Variants in FNDC3A observed in about 807,000 individuals in gnomAD.
FNDC3A encodes the protein fibronectin type-III domain-containing protein 3A.
FNDC3A carries 32 observed loss-of-function variants against 148.9 expected under a neutral mutation model. That is an observed-to-expected ratio of 0.21 (90% CI 0.16 to 0.29). The LOEUF is 0.29. Among genes scored for constraint, FNDC3A ranks in the 10% least tolerant of loss-of-function variants. FNDC3A has a pLI of 1.00. For synonymous variants in FNDC3A, 472 were observed against 473.6 expected, an observed-to-expected ratio of 1.00 and a Z score of 0.04; for missense variants, 1,191 against 1,452.8, an observed-to-expected ratio of 0.82 and a Z score of 2.93.
intron 8 of FNDC3A, among the ~76,000 whole-genome samples, chr13:49,160,970 C>T (rs1349532604): frequency 1.3e-5 from 2 of 152,180 alleles, no homozygotes; most frequent in South Asian, 2.1e-4. Flanking sequence ...TTTGATTGCA[C>T]TGTGGTCTGA....
intron 3 of FNDC3A, among the ~76,000 whole-genome samples, chr13:49,081,728 A>G (rs117746234): frequency 1.8e-4 from 28 of 152,338 alleles, no homozygotes; most frequent in Non-Finnish European, 3.7e-4. Context: ...AGTGGCTTCT[A>G]CAAAAACAAA....
At position 49,090,373 on chromosome 13, in the gene FNDC3A, C is replaced by T. The variant is rs1255798918; in HGVS notation, c.175+15009C>T. Among the ~76,000 whole-genome samples, 19 of 152,288 alleles carry T rather than the reference C, an allele frequency of 1.2e-4. No homozygotes were observed. In the East Asian group the frequency reaches 3.5e-3, roughly 28 times the overall value. On this transcript the variant is annotated intron_variant, in intron 3 of 25. Coordinates refer to ENST00000492622, the MANE Select transcript of FNDC3A (RefSeq NM_001079673.2). ...AAGTTGCAGTGAGCCAAGATCACGC[C>T]ACTGCACTCCAGCCTGGGTGACAGA...
intron 2 of FNDC3A, among the ~76,000 whole-genome samples, chr13:49,052,514 T>G (rs1034061338): frequency 6.6e-6 from 1 of 152,206 alleles, no homozygotes; most frequent in African/African-American, 2.4e-5. Flanking sequence ...TGCAGAGTCC[T>G]GTGATATGAT....
At chr13:49,081,793 GAA>G (rs1223296002) in intron 3 of FNDC3A, among the ~76,000 whole-genome samples, 1 of 152,082 alleles carries the variant, frequency 6.6e-6, no homozygotes, top group Non-Finnish European at 1.5e-5. Flanking sequence ...GGACAAAAAT[GAA>G]TAAGCACTGT....
intron 2 of FNDC3A, among the ~76,000 whole-genome samples, chr13:49,070,916 T>C (rs1352859879): frequency 6.6e-6 from 1 of 150,514 alleles, no homozygotes; most frequent in Non-Finnish European, 1.5e-5. Flanking sequence ...TTCTTTTTTT[T>C]GAGACAGGAT....
At chr13:49,099,740 T>A (rs1246363974) in intron 3 of FNDC3A, among the ~76,000 whole-genome samples, 1 of 152,122 alleles carries the variant, frequency 6.6e-6, no homozygotes, top group African/African-American at 2.4e-5. Flanking sequence ...TAAAAATATG[T>A]AACATTTTTA....
At chr13:49,011,406 G>T (rs953690397) in intron 2 of FNDC3A, among the ~76,000 whole-genome samples, 1 of 151,966 alleles carries the variant, frequency 6.6e-6, no homozygotes, top group Non-Finnish European at 1.5e-5. Context: ...GCTAATTTTT[G>T]TATTTTTAGT....
Position 49,137,809 on chromosome 13 carries a change from C to T in FNDC3A, c.761-938C>T, listed in dbSNP as rs1435449628. Among the ~76,000 whole-genome samples, 4 of 152,114 alleles carry T rather than the reference C, an allele frequency of 2.6e-5. No homozygotes were observed. The East Asian group carries it at 7.7e-4, about 29-fold the overall frequency. Reference sequence around the variant, plus strand: ...CTGCTTACTTTGATTAATGTAGTTTCTATATGTATGTTCTTTTAGGTTTCC... The same window carrying T: ...CTGCTTACTTTGATTAATGTAGTTTTTATATGTATGTTCTTTTAGGTTTCC... On this transcript the variant is annotated intron_variant, in intron 6 of 25. Transcript: ENST00000492622.
intron 16 of FNDC3A, chr13:49,187,507 A>G (rs1401274620): frequency 1.9e-6 from 3 of 1,597,246 alleles, no homozygotes; most frequent in South Asian, 2.2e-5. Flanking sequence ...TTGTCTTACT[A>G]CAAGAAAGGG....
intron 3 of FNDC3A, among the ~76,000 whole-genome samples, chr13:49,114,010 T>C (rs1189404176): frequency 6.6e-6 from 1 of 152,134 alleles, no homozygotes; most frequent in East Asian, 1.9e-4. Context: ...TTAGAACTTT[T>C]TAGTGTGAGA....
chr13:49,062,903 A>G (rs1171162803), intron 2 of FNDC3A, among the ~76,000 whole-genome samples: 1 of 152,234 alleles, frequency 6.6e-6, no homozygotes, highest in Non-Finnish European at 1.5e-5. Context: ...TACATAAATG[A>G]ATAAATTTCA....
rs1328079975 is a variant in FNDC3A at position 49,191,125 on chromosome 13, TTTCC to T, written c.2050+6_2050+9del. The T allele has an allele frequency of 1.2e-6, 2 of 1,607,104 alleles. No homozygotes were observed. The highest frequency in any genetic ancestry group is 1.7e-6 in the Non-Finnish European group (2 of 1,177,552). ...AAGAAATACAGTTACGATGGGGTAA[TTTCC>T]ATTTTGGTAATAAATTATAATTAAG... On this transcript the variant is annotated splice_donor_region_variant and intron_variant, in intron 18 of 25. Coordinates refer to ENST00000492622, the MANE Select transcript of FNDC3A (RefSeq NM_001079673.2).
At position 49,131,340 on chromosome 13, in the gene FNDC3A, A is replaced by G; in HGVS notation, c.456A>G (p.Pro152=). The change falls in exon 5 of 26, where the codon CCA becomes CCG. Residue 152 remains proline (P), a synonymous_variant. Coordinates refer to ENST00000492622, the MANE Select transcript of FNDC3A (RefSeq NM_001079673.2). The part of the protein sequence containing the change: ...GAGDMTTQYM[P]QYQSSQVYGD... ...GAGACATGACAACACAGTATATGCC[A>G]CAGTATCAGTCTTCACAAGTCTATG... The G allele has an allele frequency of 6.2e-7, 1 of 1,613,740 alleles. No homozygotes were observed. Among genetic ancestry groups the G allele is most frequent in the Non-Finnish European group, 8.5e-7 (1 of 1,179,642 alleles).
intron 4 of FNDC3A, among the ~76,000 whole-genome samples, chr13:49,130,533 T>C (rs1407134561): frequency 6.6e-6 from 1 of 152,146 alleles, no homozygotes; most frequent in Admixed American, 6.5e-5. Flanking sequence ...CCAAAATTAC[T>C]CCATCAGGAA....
chr13:48,976,710 C>T (rs764530732), intron 1 of FNDC3A: 226 of 152,436 alleles, frequency 1.5e-3, no homozygotes, highest in Middle Eastern at 3.4e-3. Context: ...AGAGAGTTTT[C>T]CCCGCTCATC....
At chr13:49,008,247 G>A (rs967699001) in intron 2 of FNDC3A, among the ~76,000 whole-genome samples, 6 of 152,184 alleles carry the variant, frequency 3.9e-5, no homozygotes, top group African/African-American at 1.2e-4. Flanking sequence ...GAAGTGTAAA[G>A]AGTGAACCAA....
intron 2 of FNDC3A, among the ~76,000 whole-genome samples, chr13:49,032,683 C>G (rs1294835596): frequency 6.6e-6 from 1 of 152,074 alleles, no homozygotes; most frequent in African/African-American, 2.4e-5. Flanking sequence ...TTGCAGTGAG[C>G]CGAGACCGCG....
At chr13:49,008,270 A>G (rs1489769927) in intron 2 of FNDC3A, among the ~76,000 whole-genome samples, 1 of 152,160 alleles carries the variant, frequency 6.6e-6, no homozygotes, top group Admixed American at 6.5e-5. Context: ...GCTATGATAG[A>G]ATGTAAGGGA....
chr13:49,108,976 C>T (rs938277530), intron 3 of FNDC3A, among the ~76,000 whole-genome samples: 5 of 152,116 alleles, frequency 3.3e-5, no homozygotes, highest in African/African-American at 1.2e-4. Flanking sequence ...TGTTTTCCAC[C>T]TTTGTGTGAG....
Sources: allele counts gnomAD v4.1 joint callset (sites outside exome capture counted in the v4.1 genomes callset), GRCh38; gene constraint gnomAD v4.1.1; transcripts MANE v1.5; gene names NCBI Gene and HGNC (gene_info 2026-07-23, HGNC 2026-07-21).